Variants in NIPA1 observed in about 807,000 individuals in gnomAD.
The protein encoded by NIPA1 is NIPA magnesium transporter 1.
In NIPA1, 13 loss-of-function variants were observed where a neutral mutation model predicts 23.9. The ratio of observed to expected loss-of-function variants is 0.54; its 90% CI spans 0.35 to 0.87. The LOEUF is 0.87. Among genes scored for constraint, NIPA1 ranks in the 40% least tolerant of loss-of-function variants. NIPA1 has a pLI of 0.01. For synonymous variants in NIPA1, 234 were observed against 202.9 expected, an observed-to-expected ratio of 1.15 and a Z score of -1.30; for missense variants, 362 against 429.7, an observed-to-expected ratio of 0.84 and a Z score of 1.39.
intron 1 of NIPA1, among the ~76,000 whole-genome samples, chr15:22,804,401 A>T (rs1009697648): frequency 1.3e-5 from 2 of 152,100 alleles, no homozygotes; most frequent in African/African-American, 4.8e-5. Flanking sequence ...GATTACAGTC[A>T]TGAGCCACTG....
At position 22,821,565 on chromosome 15, in the gene NIPA1, GCTGGTTTTCTTGTCCACACTCA is replaced by G. The variant is rs1266431831; in HGVS notation, c.478+1113_478+1134del. 7.3e-4 allele frequency among the ~76,000 whole-genome samples: 110 copies of G among 150,480 alleles called. 1 individual carries two copies. The highest frequency in any genetic ancestry group is 1.7e-3 in the Admixed American group (26 of 15,060). On this transcript the variant is annotated intron_variant, in intron 4 of 4. Transcript: ENST00000337435. ...CTCGGTGGTCTGCATGTCCACACTC[GCTGGTTTTCTTGTCCACACTCA>G]CTGGTTTTCTTGTCCACACTGGCTG...
chr15:22,809,102 T>C (rs1938964341), intron 1 of NIPA1, among the ~76,000 whole-genome samples: 1 of 152,106 alleles, frequency 6.6e-6, no homozygotes, highest in Non-Finnish European at 1.5e-5. Flanking sequence ...AATTAGTTAC[T>C]GTGGCTGGGC....
At chr15:22,823,683 T>C in intron 4 of NIPA1, 45 bp from the exon 5 acceptor site, 1 of 1,564,500 alleles carries the variant, frequency 6.4e-7, no homozygotes. Context: ...GGGTTGCGGC[T>C]GCTAGGCGGT....
At position 22,786,706 on chromosome 15, in the gene NIPA1, G is replaced by T. The variant is rs977805640; in HGVS notation, c.50G>T (p.Gly17Val). 2 of 1,165,556 alleles carry T rather than the reference G, an allele frequency of 1.7e-6. No homozygotes were observed. The highest frequency in any genetic ancestry group is 3.5e-5 in the Admixed American group (1 of 28,966). 72.2% of individuals were successfully genotyped at this position (1,165,556 alleles called of 1,614,324 possible). Residue 17 changes from glycine to valine, a missense_variant, in exon 1 of 5, where the codon GGG becomes GTG. By Grantham distance (109) the Gly-to-Val change is moderately radical. Coordinates refer to ENST00000337435, the MANE Select transcript of NIPA1 (RefSeq NM_144599.5). ...AAAAAAAAAA[G>V]EGARSPSPAA... The stretch of plus-strand genomic sequence containing the variant: ...GCGGCGGCGGCGGCGGCGGCGGCCG[G>T]GGAGGGGGCGCGTAGCCCGAGCCCC...
In NIPA1 at chr15:22,824,061, T is replaced by C. The variant is rs2140877932; in HGVS notation, c.812T>C (p.Leu271Pro). 1 of 1,614,176 alleles carries C rather than the reference T, an allele frequency of 6.2e-7. No homozygotes were observed. The highest frequency in any genetic ancestry group is 8.5e-7 in the Non-Finnish European group (1 of 1,179,988). ...GAIYYVVFTT[L>P]VLLASAILFR... Reference sequence around the variant, plus strand: ...ATCTACTACGTCGTGTTTACCACGCTGGTCCTGCTGGCCTCAGCCATCCTC... The same window carrying C: ...ATCTACTACGTCGTGTTTACCACGCCGGTCCTGCTGGCCTCAGCCATCCTC... Residue 271 changes from leucine (L) to proline (P), a missense_variant, in exon 5 of 5, where the codon CTG (leucine) becomes CCG (proline). Leu to Pro is a moderately conservative substitution (Grantham distance 98). Transcript: ENST00000337435. The surrounding 1 kb of genome is among the most constrained non-coding windows in gnomAD (Gnocchi z 4.1).
At chr15:22,810,967 C>T (rs531607873) in intron 2 of NIPA1, 171 bp downstream of exon 2, 1 of 665,232 alleles carries the variant, frequency 1.5e-6, no homozygotes, top group Non-Finnish European at 2.7e-6. Context: ...CCCTGCCTCC[C>T]CAGGGCACTC....
chr15:22,804,701 T>C (rs1207107246), intron 1 of NIPA1, among the ~76,000 whole-genome samples: 2 of 152,178 alleles, frequency 1.3e-5, no homozygotes, highest in African/African-American at 2.4e-5. Context: ...GTTGGAGACT[T>C]TTCCATTGAA....
chr15:22,800,493 T>TA (rs1261923769), intron 1 of NIPA1, among the ~76,000 whole-genome samples: 1 of 151,946 alleles, frequency 6.6e-6, no homozygotes, highest in Non-Finnish European at 1.5e-5. Flanking sequence ...TCATGTAATT[T>TA]AAAAAATGAG....
At position 22,824,759 on chromosome 15, in the gene NIPA1, C is replaced by T. The variant is rs1191287930; in HGVS notation, c.*520C>T. ...GCATATACATTGAATTGTTTTTAAT[C>T]CTCTGACAAGTTGACTCTTCGACCC... is the stretch of plus-strand genomic sequence containing the variant. On this transcript the variant is annotated 3_prime_UTR_variant, in exon 5 of 5. Coordinates refer to ENST00000337435, the MANE Select transcript of NIPA1 (RefSeq NM_144599.5). The surrounding 1 kb of genome is among the most constrained non-coding windows in gnomAD (Gnocchi z 4.1). 6.3e-6 allele frequency: 1 copy of T among 159,142 alleles called. No individual in the cohort carries two copies. The highest frequency in any genetic ancestry group is 1.4e-5 in the Non-Finnish European group (1 of 72,134). The allele number at this position is 159,142 out of a possible 1,614,324, so 9.9% of individuals were successfully genotyped here.
chr15:22,820,569 G>A (rs1048005596), intron 4 of NIPA1, 96 bp downstream of exon 4: 6 of 899,830 alleles, frequency 6.7e-6, no homozygotes, highest in Non-Finnish European at 9.4e-6. Flanking sequence ...TGGCAGGGCA[G>A]AGGAACCGTG....
At chr15:22,814,196 TG>T in intron 3 of NIPA1, 1 of 864,692 alleles carries the variant, frequency 1.2e-6, no homozygotes, top group Non-Finnish European at 1.6e-6. Flanking sequence ...AAAATTAATT[TG>T]GAAAAAAACA....
chr15:22,818,076 A>G (rs1257318790), intron 3 of NIPA1, among the ~76,000 whole-genome samples: 2 of 152,224 alleles, frequency 1.3e-5, no homozygotes, highest in African/African-American at 4.8e-5. Context: ...GATGCCATCA[A>G]TGAATTGAAA....
intron 3 of NIPA1, among the ~76,000 whole-genome samples, chr15:22,812,800 ATCTGATGC>A (rs1895345977): frequency 6.6e-6 from 1 of 152,142 alleles, no homozygotes; most frequent in Non-Finnish European, 1.5e-5. Context: ...TTATCAGTGA[ATCTGATGC>A]TCTCATTCTC....
chr15:22,823,719 G>T lies in NIPA1; in HGVS notation c.479-9G>T. ...GGCTCCGGGTGACTGTGTGCTGTCT[G>T]TGTTCCAGTGTTTGTGGGCTACCTG... On this transcript the variant is annotated splice_polypyrimidine_tract_variant and intron_variant, in intron 4 of 4. Coordinates refer to ENST00000337435, the MANE Select transcript of NIPA1 (RefSeq NM_144599.5). 6.2e-7 allele frequency: 1 copy of T among 1,600,486 alleles called. No individual in the cohort carries two copies. The highest frequency in any genetic ancestry group is 8.5e-7 in the Non-Finnish European group (1 of 1,177,340).
intron 1 of NIPA1, among the ~76,000 whole-genome samples, chr15:22,805,073 C>T (rs935590397): frequency 6.6e-6 from 1 of 152,114 alleles, no homozygotes; most frequent in Admixed American, 6.6e-5. Flanking sequence ...ATCTCCTGAC[C>T]TCATGATCCA....
chr15:22,792,811 G>A (rs949658960), intron 1 of NIPA1, among the ~76,000 whole-genome samples: 8 of 152,130 alleles, frequency 5.3e-5, no homozygotes, highest in South Asian at 2.1e-4. Flanking sequence ...GAAATTGTCC[G>A]GGTGTGGTGG....
intron 1 of NIPA1, among the ~76,000 whole-genome samples, chr15:22,793,340 G>A (rs1381887447): frequency 2.3e-5 from 3 of 130,934 alleles, no homozygotes; most frequent in Non-Finnish European, 4.7e-5. Context: ...GCCAGGCTAC[G>A]GAGTGAGACT....
chr15:22,796,148 C>T (rs975863438), intron 1 of NIPA1, among the ~76,000 whole-genome samples: 23 of 151,886 alleles, frequency 1.5e-4, no homozygotes, highest in African/African-American at 4.8e-4. Flanking sequence ...TCTTGAACTC[C>T]TAGGGCTCAA....
chr15:22,829,658 T>A lies in NIPA1; in HGVS notation c.*5419T>A, dbSNP rs1056706327. 2 of 152,190 alleles carry A rather than the reference T, an allele frequency of 1.3e-5. No individual in the cohort carries two copies. Among genetic ancestry groups the A allele is most frequent in the Non-Finnish European group, 2.9e-5 (2 of 68,034 alleles). The allele number at this position is 152,190 out of a possible 1,614,324, so 9.4% of individuals were successfully genotyped here. On this transcript the variant is annotated 3_prime_UTR_variant, in exon 5 of 5. Coordinates refer to ENST00000337435, the MANE Select transcript of NIPA1 (RefSeq NM_144599.5). ...CATGTGTCAGTGGCCAAGACCTGCT[T>A]ATATTTTGCTTTATAGATGTAGTCA...
Sources: gnomAD v4.1 joint callset for allele counts (sites outside exome capture counted in the v4.1 genomes callset) on GRCh38, gnomAD v4.1.1 for gene constraint, Gnocchi (gnomAD v3.1) non-coding constraint, MANE v1.5 for transcripts, NCBI Gene and HGNC (gene_info 2026-07-23, HGNC 2026-07-21) for gene names.